The following CECR2 variants were observed in gnomAD, a reference collection of about 807,000 sequenced individuals.
CECR2 encodes CECR2 histone acetyl-lysine reader.
In CECR2, 30 loss-of-function variants were observed where a neutral mutation model predicts 154.5. The observed-to-expected ratio is 0.19, with a 90% confidence interval of 0.15 to 0.26. The LOEUF (loss-of-function observed/expected upper bound fraction) is 0.26, where lower values mean the gene tolerates loss of function less well. Ranked by LOEUF, CECR2 falls within the 10% of genes least tolerant of loss-of-function variation. The pLI is 1.00. For synonymous variants in CECR2, 725 were observed against 683.7 expected (o/e 1.06, Z -0.94); for missense variants, 1,743 against 1,829.3 (o/e 0.95, Z 0.86).
At position 17,548,818 on chromosome 22, in the gene CECR2, C is replaced by T. The variant is rs2056657526; in HGVS notation, c.3531C>T (p.Arg1177=). 3.7e-6 allele frequency: 6 copies of T among 1,613,524 alleles called. No homozygotes were observed. The highest frequency in any genetic ancestry group is 1.7e-5 in the Admixed American group (1 of 59,994). ...HPHSGGFPRY[R]PPQGMRYSYH... ...ATTCTGGAGGCTTTCCCCGGTATCG[C>T]CCCCCACAAGGAATGAGGTATTCCT... The change falls in exon 17 of 19, where the codon CGC becomes CGT. Residue 1177 remains arginine (R), a synonymous_variant. Transcript: ENST00000262608.
chr22:17,482,696 T>C (rs2055347757), intron 2 of CECR2, among the ~76,000 whole-genome samples: 1 of 150,812 alleles, frequency 6.6e-6, no homozygotes, highest in Admixed American at 6.6e-5. Context: ...ACCAGGCCCA[T>C]CTAATTTCTT....
intron 1 of CECR2, among the ~76,000 whole-genome samples, chr22:17,407,786 G>A (rs1461243770): frequency 6.6e-6 from 1 of 152,182 alleles, no homozygotes; most frequent in East Asian, 1.9e-4. Context: ...GGGAAGAGGG[G>A]TGTGGGTAGA....
upstream of CECR2, among the ~76,000 whole-genome samples, chr22:17,368,545 G>C (rs2063016623): frequency 6.6e-6 from 1 of 152,132 alleles, no homozygotes; most frequent in African/African-American, 2.4e-5. Context: ...ACAGCAGTTA[G>C]CATTTCTAAA....
At chr22:17,441,169 G>A (rs994492835) in intron 1 of CECR2, among the ~76,000 whole-genome samples, 37 of 152,246 alleles carry the variant, frequency 2.4e-4, no homozygotes, top group African/African-American at 8.4e-4. Flanking sequence ...GGCTGGTCTC[G>A]AACTCCTGAC....
chr22:17,427,657 A>G (rs2054352355), intron 1 of CECR2, among the ~76,000 whole-genome samples: 1 of 152,124 alleles, frequency 6.6e-6, no homozygotes, highest in South Asian at 2.1e-4. Context: ...GAGCAAAAGA[A>G]CAAAGCTTCC....
intron 1 of CECR2, among the ~76,000 whole-genome samples, chr22:17,378,862 T>A (rs57960348): frequency 0.013 from 1,958 of 152,296 alleles, 51 homozygotes; most frequent in African/African-American, 0.045. Context: ...TATTTTTGTT[T>A]ATGGAAATTT....
At chr22:17,403,735 G>C (rs937512168) in intron 1 of CECR2, among the ~76,000 whole-genome samples, 1 of 151,958 alleles carries the variant, frequency 6.6e-6, no homozygotes, top group South Asian at 2.1e-4. Flanking sequence ...TTTAAAATTG[G>C]ACTCTTTGTC....
intron 2 of CECR2, among the ~76,000 whole-genome samples, chr22:17,483,608 A>T (rs1209493997): frequency 6.6e-6 from 1 of 152,224 alleles, no homozygotes; most frequent in Non-Finnish European, 1.5e-5. Context: ...AAAAAAAGAA[A>T]AAAATATTTT....
chr22:17,429,348 CAT>C (rs2054383001), intron 1 of CECR2, among the ~76,000 whole-genome samples: 1 of 151,932 alleles, frequency 6.6e-6, no homozygotes, highest in Non-Finnish European at 1.5e-5. Context: ...ATATGAATGA[CAT>C]GTGACATAGT....
At chr22:17,543,053 A>G (rs923157774) in intron 16 of CECR2, 50 bp downstream of exon 16, 1 of 1,526,624 alleles carries the variant, frequency 6.6e-7, no homozygotes, top group African/African-American at 1.4e-5. Flanking sequence ...TTCATGAGTA[A>G]TCTTTTTACA....
At chr22:17,368,572 C>T (rs999761998), upstream of CECR2, among the ~76,000 whole-genome samples, 3 of 152,182 alleles carry the variant, frequency 2.0e-5, no homozygotes, top group African/African-American at 7.2e-5. Context: ...ACTCCAACAC[C>T]CTTCGGCCGT....
intron 2 of CECR2, among the ~76,000 whole-genome samples, chr22:17,483,262 T>A (rs2055360662): frequency 6.6e-6 from 1 of 152,068 alleles, no homozygotes; most frequent in South Asian, 2.1e-4. Flanking sequence ...GCTTATAGAA[T>A]AAGGATATAA....
At chr22:17,412,667 G>A (rs978674136) in intron 1 of CECR2, among the ~76,000 whole-genome samples, 7 of 152,078 alleles carry the variant, frequency 4.6e-5, no homozygotes, top group Non-Finnish European at 7.4e-5. Context: ...TTAGGACTTC[G>A]GAGGCTGAGG....
At chr22:17,371,575 T>C (rs1339526154) in intron 1 of CECR2, among the ~76,000 whole-genome samples, 1 of 152,244 alleles carries the variant, frequency 6.6e-6, no homozygotes, top group Non-Finnish European at 1.5e-5. Flanking sequence ...GTCCTGTGTT[T>C]TCTTTCAGTT....
At chr22:17,515,960 C>T (rs765249945) in intron 8 of CECR2, among the ~76,000 whole-genome samples, 1 of 152,222 alleles carries the variant, frequency 6.6e-6, no homozygotes, top group Non-Finnish European at 1.5e-5. Flanking sequence ...CAGGCGTGAG[C>T]CACCACGCCC....
intron 15 of CECR2, 31 bp from the exon 16 acceptor site, chr22:17,542,126 C>A (rs1420001932): frequency 1.3e-6 from 2 of 1,599,258 alleles, no homozygotes; most frequent in African/African-American, 2.7e-5. Context: ...TTCTGTGAGT[C>A]TGTAACTGTG....
intron 1 of CECR2, chr22:17,477,154 G>T: frequency 1.4e-6 from 1 of 723,238 alleles, no homozygotes; most frequent in East Asian, 2.6e-5. Context: ...TTTATCTCTT[G>T]AGAAGGTTGA....
intron 1 of CECR2, among the ~76,000 whole-genome samples, chr22:17,465,247 C>T (rs2055011146): frequency 6.6e-6 from 1 of 152,108 alleles, no homozygotes; most frequent in Non-Finnish European, 1.5e-5. Flanking sequence ...CCGCCCGCCT[C>T]GGCCTCCCAA....
intron 9 of CECR2, among the ~76,000 whole-genome samples, chr22:17,536,122 C>A (rs1029997393): frequency 6.6e-6 from 1 of 152,118 alleles, no homozygotes; most frequent in African/African-American, 2.4e-5. Flanking sequence ...GTGGTGCATG[C>A]CTGTAATCCC....
Sources: allele counts gnomAD v4.1 joint callset (sites outside exome capture counted in the v4.1 genomes callset), GRCh38; gene constraint gnomAD v4.1.1; transcripts MANE v1.5; gene names NCBI Gene and HGNC (gene_info 2026-07-23, HGNC 2026-07-21).